Variants in HSPA13 observed in about 807,000 individuals in gnomAD.
HSPA13 encodes heat shock protein family A (Hsp70) member 13.
Under a neutral mutation model 38.8 loss-of-function variants are expected in HSPA13, and 29 were observed. That is an observed-to-expected ratio of 0.75 (90% CI 0.56 to 1.02). The LOEUF (loss-of-function observed/expected upper bound fraction) is 1.02, where lower values mean the gene tolerates loss of function less well. Ranked by LOEUF, HSPA13 falls within the 50% of genes least tolerant of loss-of-function variation. The probability of loss-of-function intolerance (pLI) is 0.00; values close to 1 mark genes in which losing one functional copy is unlikely to be tolerated. For missense variants in HSPA13, 451 were observed against 560.9 expected (o/e 0.80, Z 1.98); for synonymous variants, 192 against 205.3 (o/e 0.94, Z 0.56).
chr21:14,373,898 G>A lies in HSPA13; in HGVS notation c.1135C>T (p.Gln379Ter). Residue 379 changes from glutamine (Q) to a stop codon, truncating the protein, a stop_gained, in exon 5 of 5, where the codon CAG (glutamine) becomes TAG (stop). Transcript: ENST00000285667. LOFTEE classifies it high-confidence loss of function. ...TGCTGAATGGGTACCAGTATTTTCTGAAAGAGGTCTTCATTAAGGGTATCA... is the reference window on the plus strand; with the variant it reads ...TGCTGAATGGGTACCAGTATTTTCTAAAAGAGGTCTTCATTAAGGGTATCA... ...LFDTLNEDLF[Q>*]KILVPIQQVL... The A allele has an allele frequency of 6.2e-7, 1 of 1,614,206 alleles. No homozygotes were observed. Among genetic ancestry groups the A allele is most frequent in the Non-Finnish European group, 8.5e-7 (1 of 1,180,038 alleles).
At position 14,373,582 on chromosome 21, in the gene HSPA13, G is replaced by A. The variant is rs767057038; in HGVS notation, c.*35C>T. The A allele has an allele frequency of 1.3e-6, 2 of 1,516,286 alleles. No homozygotes were observed. The highest frequency in any genetic ancestry group is 2.3e-5 in the East Asian group (1 of 44,312). 93.9% of individuals were successfully genotyped at this position (1,516,286 alleles called of 1,614,324 possible). ...TCTGATAAATGGGAAGAGATCATCAGACAAGTTCACAAATAACCATTATTT... is the reference window on the plus strand; with the variant it reads ...TCTGATAAATGGGAAGAGATCATCAAACAAGTTCACAAATAACCATTATTT... On this transcript the variant is annotated 3_prime_UTR_variant, in exon 5 of 5. Transcript: ENST00000285667.
chr21:14,382,397 T>G (rs1288589183), intron 1 of HSPA13, among the ~76,000 whole-genome samples: 1 of 152,168 alleles, frequency 6.6e-6, no homozygotes, highest in Non-Finnish European at 1.5e-5. Context: ...CCCTTTAGTT[T>G]TTAATGAATC....
In HSPA13 at chr21:14,375,635, C is replaced by G; in HGVS notation, c.748+17G>C. On this transcript the variant is annotated intron_variant, in intron 4 of 4. Transcript: ENST00000285667. The stretch of plus-strand genomic sequence containing the variant: ...GCGTGAGCCACTGCGCCCAGCCTCT[C>G]CCTGCATTTTTCTTACCAGACATTG... 3 of 1,610,040 alleles carry G rather than the reference C, an allele frequency of 1.9e-6. No individual in the cohort carries two copies. The highest frequency in any genetic ancestry group is 2.5e-6 in the Non-Finnish European group (3 of 1,177,298).
rs776909134 is a variant in HSPA13, at chr21:14,373,750, G to A, written c.1283C>T (p.Thr428Ile). 1 of 1,614,206 alleles carries A rather than the reference G, an allele frequency of 6.2e-7. No homozygotes were observed. The highest frequency in any genetic ancestry group is 8.5e-7 in the Non-Finnish European group (1 of 1,180,038). Residue 428 changes from threonine to isoleucine, a missense_variant, in exon 5 of 5, where the codon ACA becomes ATA. Physicochemically the swap from Thr to Ile is moderately conservative, Grantham distance 89. Coordinates refer to ENST00000285667, the MANE Select transcript of HSPA13 (RefSeq NM_006948.5). ...IQEFFGKDPNTSVDPDLAVVT... is the reference protein window; with the variant it reads ...IQEFFGKDPNISVDPDLAVVT... Reference sequence around the variant, plus strand: ...TACTGCTAGGTCAGGGTCTACAGATGTGTTGGGATCTTTTCCAAAGAACTC... The same window carrying A: ...TACTGCTAGGTCAGGGTCTACAGATATGTTGGGATCTTTTCCAAAGAACTC...
intron 4 of HSPA13, among the ~76,000 whole-genome samples, chr21:14,375,199 A>G (rs2123523042): frequency 6.6e-6 from 1 of 152,240 alleles, no homozygotes; most frequent in East Asian, 1.9e-4. Context: ...TTTTAAAGAA[A>G]TTTTTCTTCC....
chr21:14,375,409 G>GA (rs147288047), intron 4 of HSPA13, among the ~76,000 whole-genome samples: 24,301 of 150,788 alleles, frequency 0.16, 2,137 homozygotes, highest in Middle Eastern at 0.23. Flanking sequence ...AATTCTGGGG[G>GA]AAAAAAAGGA....
intron 4 of HSPA13, 55 bp from the exon 5 acceptor site, chr21:14,374,339 A>G (rs1983963786): frequency 8.1e-7 from 1 of 1,234,704 alleles, no homozygotes; most frequent in East Asian, 2.4e-5. Flanking sequence ...GTATGTATAC[A>G]CGTATGTTAT....
At chr21:14,378,536 T>C in intron 2 of HSPA13, 124 bp from the exon 3 acceptor site, 1 of 640,568 alleles carries the variant, frequency 1.6e-6, no homozygotes, top group Non-Finnish European at 2.7e-6. Flanking sequence ...AAAAAATGCA[T>C]TTGAAATCTA....
At chr21:14,376,396 G>A (rs981739470) in intron 3 of HSPA13, among the ~76,000 whole-genome samples, 1 of 152,144 alleles carries the variant, frequency 6.6e-6, no homozygotes, top group Non-Finnish European at 1.5e-5. Context: ...CTGGGCAGCA[G>A]AGTGAGACTC....
intron 1 of HSPA13, among the ~76,000 whole-genome samples, 159 bp downstream of exon 1, chr21:14,382,936 C>A (rs1984209571): frequency 6.6e-6 from 1 of 152,124 alleles, no homozygotes; most frequent in Admixed American, 6.5e-5. Flanking sequence ...CCGCCCCCAT[C>A]CACTCCGAAC....
In HSPA13 at chr21:14,373,866, C is replaced by T. The variant is rs1302377492; in HGVS notation, c.1167G>A (p.Leu389=). The change falls in exon 5 of 5, where the codon TTG becomes TTA. Residue 389 remains leucine (L), a synonymous_variant. Coordinates refer to ENST00000285667, the MANE Select transcript of HSPA13 (RefSeq NM_006948.5). ...CAGTCTTTTCCAGGTGGCCTTCTTT[C>T]AATACTTGCTGAATGGGTACCAGTA... ...QKILVPIQQV[L]KEGHLEKTEI... 2 of 1,614,092 alleles carry T rather than the reference C, an allele frequency of 1.2e-6. No homozygotes were observed. Among genetic ancestry groups the T allele is most frequent in the Admixed American group, 1.7e-5 (1 of 60,010 alleles).
At position 14,372,737 on chromosome 21, in the gene HSPA13, CA is replaced by C. The variant is rs1422567260; in HGVS notation, c.*879del. On this transcript the variant is annotated 3_prime_UTR_variant, in exon 5 of 5. Coordinates refer to ENST00000285667, the MANE Select transcript of HSPA13 (RefSeq NM_006948.5). Reference sequence around the variant, plus strand: ...CTTACTGAAAATATAAACAAAGAAACAAATACAGTAGGTAATTGATGCTATT... The same window carrying C: ...CTTACTGAAAATATAAACAAAGAAACAATACAGTAGGTAATTGATGCTATT... 2 of 152,016 alleles carry C rather than the reference CA, an allele frequency of 1.3e-5. No individual in the cohort carries two copies. The highest frequency in any genetic ancestry group is 4.8e-5 in the African/African-American group (2 of 41,398). The allele number at this position is 152,016 out of a possible 1,614,324, so 9.4% of individuals were successfully genotyped here.
At chr21:14,374,373 C>T in intron 4 of HSPA13, 89 bp from the exon 5 acceptor site, 1 of 902,634 alleles carries the variant, frequency 1.1e-6, no homozygotes, top group Non-Finnish European at 1.6e-6. Flanking sequence ...AAATTATATT[C>T]TGGGAATAAC....
At chr21:14,375,513 T>C (rs1013183235) in intron 4 of HSPA13, 139 bp downstream of exon 4, 7 of 387,888 alleles carry the variant, frequency 1.8e-5, no homozygotes, top group Non-Finnish European at 2.7e-5. Context: ...TTTTTTTTTT[T>C]AGTAGAGACA....
chr21:14,381,627 A>G, intron 1 of HSPA13, 84 bp from the exon 2 acceptor site: 3 of 1,172,904 alleles, frequency 2.6e-6, no homozygotes, highest in Non-Finnish European at 3.4e-6. Context: ...CTTTAATATC[A>G]CTCGTTGAAA....
rs199961353 is a variant in HSPA13, at chr21:14,381,379, G to A, written c.190C>T (p.His64Tyr). Residue 64 changes from histidine to tyrosine, a missense_variant, in exon 2 of 5, where the codon CAT (histidine) becomes TAT (tyrosine). His to Tyr is a moderately conservative substitution (Grantham distance 83). Coordinates refer to ENST00000285667, the MANE Select transcript of HSPA13 (RefSeq NM_006948.5). ...GACACCATGCTGGGTATGCTGATAT[G>A]CCCATTTTCATCTGGAATCACCTTT... ...KVKVIPDENG[H>Y]ISIPSMVSFT... 1.5e-4 allele frequency: 235 copies of A among 1,614,082 alleles called. 4 individuals are homozygous for A. The East Asian group carries it at 5.2e-3, about 36-fold the overall frequency.
chr21:14,371,488 T>C lies in HSPA13; in HGVS notation c.*2129A>G, dbSNP rs973626216. The C allele has an allele frequency of 2.0e-5, 3 of 152,168 alleles. No individual in the cohort carries two copies. The highest frequency in any genetic ancestry group is 4.8e-5 in the African/African-American group (2 of 41,464). The allele number at this position is 152,168 out of a possible 1,614,324, so 9.4% of individuals were successfully genotyped here. On this transcript the variant is annotated 3_prime_UTR_variant, in exon 5 of 5. Coordinates refer to ENST00000285667, the MANE Select transcript of HSPA13 (RefSeq NM_006948.5). ...TTATCTTTTAAATAAATAAACTAAA[T>C]TGACTTCAAGACTATTTATAAATAG... is the stretch of plus-strand genomic sequence containing the variant.
At position 14,383,094 on chromosome 21, in the gene HSPA13, C is replaced by A; in HGVS notation, c.25+1G>T. 6.2e-7 allele frequency: 1 copy of A among 1,614,166 alleles called. No homozygotes were observed. Among genetic ancestry groups the A allele is most frequent in the Non-Finnish European group, 8.5e-7 (1 of 1,180,012 alleles). ...AGCAACAAGGACCCCCGGGAACCCACCTAAGATCGTCATCTCTCTGGCCAT... is the reference window on the plus strand; with the variant it reads ...AGCAACAAGGACCCCCGGGAACCCAACTAAGATCGTCATCTCTCTGGCCAT... On this transcript the variant is annotated splice_donor_variant, in intron 1 of 4. Transcript: ENST00000285667. LOFTEE classifies it high-confidence loss of function.
In HSPA13 at chr21:14,383,138, G is replaced by T; in HGVS notation, c.-19C>A. 1 of 1,614,020 alleles carries T rather than the reference G, an allele frequency of 6.2e-7. No homozygotes were observed. Among genetic ancestry groups the T allele is most frequent in the Non-Finnish European group, 8.5e-7 (1 of 1,179,942 alleles). ...TGGCCATCACAGTCCCGCCGAACAG[G>T]CTTGTGATGACTGTACCAGACGTGA... is the stretch of plus-strand genomic sequence containing the variant. On this transcript the variant is annotated 5_prime_UTR_variant, in exon 1 of 5. Coordinates refer to ENST00000285667, the MANE Select transcript of HSPA13 (RefSeq NM_006948.5).
Sources: gnomAD v4.1 joint callset for allele counts (sites outside exome capture counted in the v4.1 genomes callset) on GRCh38, gnomAD v4.1.1 for gene constraint, MANE v1.5 for transcripts, NCBI Gene and HGNC (gene_info 2026-07-23, HGNC 2026-07-21) for gene names.